BORA: variants seen among roughly 807,000 people sequenced by gnomAD.
BORA encodes the protein protein aurora borealis.
In BORA, 26 loss-of-function variants were observed where a neutral mutation model predicts 55.8. That is an observed-to-expected ratio of 0.47 (90% CI 0.34 to 0.65). The LOEUF is 0.65. BORA is among the 30% of genes least tolerant of loss of function. BORA has a pLI of 0.01. For synonymous variants in BORA, 201 were observed against 216.9 expected, an observed-to-expected ratio of 0.93 and a Z score of 0.64; for missense variants, 568 against 671.5, an observed-to-expected ratio of 0.85 and a Z score of 1.70.
intron 1 of BORA, chr13:72,728,380 G>A: frequency 1.7e-6 from 1 of 598,984 alleles, no homozygotes; most frequent in Non-Finnish European, 3.0e-6. Context: ...ACCCCAGGCA[G>A]TTAATTTCCT....
intron 11 of BORA, 114 bp from the exon 12 acceptor site, chr13:72,755,037 C>A: frequency 2.5e-6 from 2 of 793,272 alleles, no homozygotes; most frequent in East Asian, 2.6e-5. Context: ...TTTACTGTCC[C>A]TTCAGAGTTC....
intron 1 of BORA, 71 bp downstream of exon 1, chr13:72,728,078 G>C: frequency 1.3e-6 from 2 of 1,543,794 alleles, no homozygotes; most frequent in South Asian, 2.4e-5. Context: ...CCCAGCTCCT[G>C]ACTTGCCTGC....
chr13:72,729,283 GAT>G (rs905759083), intron 2 of BORA, among the ~76,000 whole-genome samples, 190 bp downstream of exon 2: 1 of 34,358 alleles, frequency 2.9e-5, no homozygotes, highest in Non-Finnish European at 2.1e-4. Context: ...TTAGCTAGAA[GAT>G]TTTTTTTTTT....
chr13:72,744,668 A>G, intron 7 of BORA, 107 bp downstream of exon 7: 1 of 842,552 alleles, frequency 1.2e-6, no homozygotes, highest in Non-Finnish European at 1.9e-6. Flanking sequence ...GCCTCTTTCT[A>G]AAGAAGTGGG....
chr13:72,754,140 A>G (rs2033366739), intron 11 of BORA: 1 of 187,536 alleles, frequency 5.3e-6, no homozygotes, highest in Non-Finnish European at 1.1e-5. Flanking sequence ...CTTTAATTTT[A>G]TGTGCCAATT....
At chr13:72,744,240 T>C (rs2033095480) in intron 6 of BORA, among the ~76,000 whole-genome samples, 2 of 152,220 alleles carry the variant, frequency 1.3e-5, no homozygotes, top group East Asian at 1.9e-4. Context: ...CCCCCAGATA[T>C]AGGCTGGCTT....
At chr13:72,745,914 A>G in intron 8 of BORA, 30 bp from the exon 9 acceptor site, 2 of 1,580,316 alleles carry the variant, frequency 1.3e-6, no homozygotes, top group Non-Finnish European at 1.7e-6. Flanking sequence ...AGAACCATAT[A>G]CATTTATTTA....
At chr13:72,743,489 A>T in intron 5 of BORA, 48 bp from the exon 6 acceptor site, 1 of 1,355,686 alleles carries the variant, frequency 7.4e-7, no homozygotes, top group South Asian at 1.4e-5. Context: ...ATGCTAAAGC[A>T]AATGAAGAGT....
intron 8 of BORA, 90 bp from the exon 9 acceptor site, chr13:72,745,854 T>C (rs919806973): frequency 5.3e-6 from 6 of 1,127,382 alleles, no homozygotes; most frequent in Non-Finnish European, 7.4e-6. Flanking sequence ...AGTTTATAAG[T>C]GTGTTTTGAA....
At chr13:72,744,117 C>T (rs1024167303) in intron 6 of BORA, among the ~76,000 whole-genome samples, 5 of 152,120 alleles carry the variant, frequency 3.3e-5, no homozygotes, top group Non-Finnish European at 7.3e-5. Context: ...ACAGATGCAT[C>T]CAGCCATGTT....
At chr13:72,744,648 A>G in intron 7 of BORA, 87 bp downstream of exon 7, 1 of 994,190 alleles carries the variant, frequency 1.0e-6, no homozygotes, top group Non-Finnish European at 1.5e-6. Flanking sequence ...CATGGGAAAT[A>G]TGTGGCAGTG....
At chr13:72,752,025 A>G (rs1222911405) in intron 10 of BORA, 2 of 152,210 alleles carry the variant, frequency 1.3e-5, no homozygotes, top group South Asian at 2.1e-4. Context: ...TTGCCAATTG[A>G]AAGTTTTAAA....
At chr13:72,745,344 G>T in intron 8 of BORA, 137 bp downstream of exon 8, 1 of 700,470 alleles carries the variant, frequency 1.4e-6, no homozygotes, top group Non-Finnish European at 2.4e-6. Context: ...TGGAAAAGAG[G>T]GATGAGGAAG....
In BORA at chr13:72,755,306, A is replaced by C; in HGVS notation, c.*90A>C. 8.9e-7 allele frequency: 1 copy of C among 1,127,310 alleles called. No homozygotes were observed. The allele number at this position is 1,127,310 out of a possible 1,614,324, so 69.8% of individuals were successfully genotyped here. A position where few individuals can be genotyped will look rare whatever the true frequency, so the allele number is the denominator to read the frequency against. On this transcript the variant is annotated 3_prime_UTR_variant, in exon 12 of 12. Coordinates refer to ENST00000390667, the MANE Select transcript of BORA (RefSeq NM_024808.5). ...TCAACATGATGGTGACTGGGAAAAAATTACTTCAAGTAACATGCTTAGCTT... is the reference window on the plus strand; with the variant it reads ...TCAACATGATGGTGACTGGGAAAAACTTACTTCAAGTAACATGCTTAGCTT...
At chr13:72,749,220 C>G (rs373875261) in intron 10 of BORA, among the ~76,000 whole-genome samples, 2 of 152,168 alleles carry the variant, frequency 1.3e-5, no homozygotes, top group East Asian at 1.9e-4. Flanking sequence ...AGTGAGAGAT[C>G]TGAAGCTATT....
chr13:72,742,898 G>GA (rs1364514408), intron 5 of BORA, among the ~76,000 whole-genome samples: 1 of 151,976 alleles, frequency 6.6e-6, no homozygotes, highest in Non-Finnish European at 1.5e-5. Flanking sequence ...TATGCTAAGT[G>GA]AAAAAAGCCA....
At position 72,744,606 on chromosome 13, in the gene BORA, G is replaced by T. The variant is rs771949899; in HGVS notation, c.511+45G>T. The T allele has an allele frequency of 4.2e-6, 6 of 1,444,936 alleles. 1 individual carries two copies. In the South Asian group the frequency reaches 6.1e-5, roughly 15 times the overall value. 89.5% of individuals were successfully genotyped at this position (1,444,936 alleles called of 1,614,324 possible). A position where few individuals can be genotyped will look rare whatever the true frequency, so the allele number is the denominator to read the frequency against. Reference sequence around the variant, plus strand: ...AAACTTTTAATAACTTGAACCAAAGGTTTTGTTTGGCTGGCTTTTTGTAAA... The same window carrying T: ...AAACTTTTAATAACTTGAACCAAAGTTTTTGTTTGGCTGGCTTTTTGTAAA... On this transcript the variant is annotated intron_variant, in intron 7 of 11. Coordinates refer to ENST00000390667, the MANE Select transcript of BORA (RefSeq NM_024808.5).
chr13:72,746,926 G>A lies in BORA; in HGVS notation c.1297G>A (p.Val433Met), dbSNP rs1297596473. Reference protein sequence around the residue: ...DVEREKDNNTVDMVDPIEIAD... With the variant: ...DVEREKDNNTMDMVDPIEIAD... ...TGAAAGGGAGAAAGACAATAACACT[G>A]TGGATATGGTTGATCCTATAGAGAT... Residue 433 changes from valine (V) to methionine (M), a missense_variant, in exon 10 of 12, where the codon GTG becomes ATG. Transcript: ENST00000390667. 6.2e-7 allele frequency: 1 copy of A among 1,614,006 alleles called. No individual in the cohort carries two copies. Among genetic ancestry groups the A allele is most frequent in the African/African-American group, 1.3e-5 (1 of 74,924 alleles).
Position 72,735,024 on chromosome 13 carries a change from G to T in BORA, c.306+19G>T. ...TGAAGAGGTAACTTAAACTGTTACT[G>T]ATCATTAAATCAGTTAAGGATCAAT... On this transcript the variant is annotated intron_variant, in intron 4 of 11. Transcript: ENST00000390667. 1.3e-6 allele frequency: 2 copies of T among 1,569,916 alleles called. No homozygotes were observed. The highest frequency in any genetic ancestry group is 2.2e-5 in the South Asian group (2 of 89,400).
Sources: allele counts gnomAD v4.1 joint callset (sites outside exome capture counted in the v4.1 genomes callset), GRCh38; gene constraint gnomAD v4.1.1; transcripts MANE v1.5; gene names NCBI Gene and HGNC (gene_info 2026-07-23, HGNC 2026-07-21).